KIAA1328: variants seen among roughly 807,000 people sequenced by gnomAD.
The protein encoded by KIAA1328 is KIAA1328.
In KIAA1328, 52 loss-of-function variants were observed where a neutral mutation model predicts 68.1. The observed-to-expected ratio is 0.76, with a 90% CI of 0.61 to 0.96. The LOEUF (loss-of-function observed/expected upper bound fraction) is 0.96, where lower values mean the gene tolerates loss of function less well. Ranked by LOEUF, KIAA1328 falls within the 40% of genes least tolerant of loss-of-function variation. KIAA1328 has a pLI of 0.00. For missense variants in KIAA1328, 641 were observed against 677.6 expected, an observed-to-expected ratio of 0.95 and a Z score of 0.60; for synonymous variants, 232 against 239.4, an observed-to-expected ratio of 0.97 and a Z score of 0.28.
At chr18:37,141,281 A>G (rs928707914) in intron 7 of KIAA1328, among the ~76,000 whole-genome samples, 1 of 152,184 alleles carries the variant, frequency 6.6e-6, no homozygotes, top group African/African-American at 2.4e-5. Flanking sequence ...CATGCAACCA[A>G]TAATCTGTTA....
chr18:37,174,862 A>G (rs923975981), intron 9 of KIAA1328, among the ~76,000 whole-genome samples: 2 of 152,054 alleles, frequency 1.3e-5, no homozygotes, highest in African/African-American at 4.8e-5. Context: ...TAATAGGGAC[A>G]GGCTTTTACC....
intron 6 of KIAA1328, among the ~76,000 whole-genome samples, chr18:36,970,479 TAAATG>T (rs1319685514): frequency 6.6e-6 from 1 of 151,264 alleles, no homozygotes; most frequent in Admixed American, 6.6e-5. Flanking sequence ...GAGAAAGAAA[TAAATG>T]GTATCCATAT....
chr18:37,183,093 A>C (rs1260964564), intron 9 of KIAA1328, among the ~76,000 whole-genome samples: 2 of 152,082 alleles, frequency 1.3e-5, no homozygotes, highest in East Asian at 1.9e-4. Context: ...CTTCCCCTCC[A>C]TTTGTTTTTC....
At chr18:36,848,789 A>AT (rs144408489) in intron 4 of KIAA1328, among the ~76,000 whole-genome samples, 5 of 149,504 alleles carry the variant, frequency 3.3e-5, no homozygotes, top group African/African-American at 1.2e-4. Flanking sequence ...GAATTTGTCA[A>AT]TTTTTTTTTA....
intron 6 of KIAA1328, among the ~76,000 whole-genome samples, chr18:37,008,875 A>G (rs1177376974): frequency 6.6e-6 from 1 of 152,196 alleles, no homozygotes; most frequent in Non-Finnish European, 1.5e-5. Flanking sequence ...AAGGGGAAAA[A>G]GAGAGGAAAA....
intron 6 of KIAA1328, among the ~76,000 whole-genome samples, chr18:36,963,701 C>T (rs2051795699): frequency 6.6e-6 from 1 of 152,160 alleles, no homozygotes; most frequent in Non-Finnish European, 1.5e-5. Flanking sequence ...CTTACCTTGT[C>T]ATGAAGTTAC....
rs34096013 is a variant in KIAA1328, at chr18:36,913,543, T to TACACACACACACACAC, written c.448+27882_448+27897dup. On this transcript the variant is annotated intron_variant, in intron 5 of 9. Transcript: ENST00000280020. ...ACACACTTAGAGGAAAGCAACTGCC[T>TACACACACACACACAC]ACACACACACACACACACACACACA... Among the ~76,000 whole-genome samples the TACACACACACACACAC allele has an allele frequency of 5.2e-4, 68 of 131,498 alleles. 3 individuals are homozygous for TACACACACACACACAC. Among genetic ancestry groups the TACACACACACACACAC allele is most frequent in the South Asian group, 1.1e-3 (4 of 3,624 alleles). 86.3% of individuals were successfully genotyped at this position (131,498 alleles called of 152,430 possible). A position where few individuals can be genotyped will look rare whatever the true frequency, so the allele number is the denominator to read the frequency against.
At chr18:37,071,002 T>C (rs762492421) in intron 7 of KIAA1328, among the ~76,000 whole-genome samples, 16 of 152,044 alleles carry the variant, frequency 1.1e-4, no homozygotes, top group Admixed American at 5.2e-4. Context: ...CCAGTTTCTT[T>C]TAATTGGTAT....
At chr18:36,891,391 G>A (rs999052711) in intron 5 of KIAA1328, among the ~76,000 whole-genome samples, 2 of 151,938 alleles carry the variant, frequency 1.3e-5, no homozygotes, top group African/African-American at 4.8e-5. Context: ...CTGAGATTTT[G>A]GTACACCTGT....
At chr18:37,146,310 T>A (rs1188692823) in intron 7 of KIAA1328, among the ~76,000 whole-genome samples, 3 of 152,160 alleles carry the variant, frequency 2.0e-5, no homozygotes, top group Non-Finnish European at 4.4e-5. Context: ...TCTCATCATT[T>A]AGCTCCCACT....
intron 6 of KIAA1328, among the ~76,000 whole-genome samples, chr18:37,058,890 T>A (rs1035789354): frequency 2.0e-5 from 3 of 152,036 alleles, no homozygotes; most frequent in East Asian, 3.9e-4. Flanking sequence ...GAGGGTCTTT[T>A]GTGTGCAAGT....
At chr18:36,890,809 A>T (rs2048661753) in intron 5 of KIAA1328, among the ~76,000 whole-genome samples, 1 of 152,234 alleles carries the variant, frequency 6.6e-6, no homozygotes, top group Non-Finnish European at 1.5e-5. Flanking sequence ...AAATGATATC[A>T]GATATTCTCC....
At chr18:36,889,713 CTAAG>C (rs1045394412) in intron 5 of KIAA1328, among the ~76,000 whole-genome samples, 5 of 152,170 alleles carry the variant, frequency 3.3e-5, no homozygotes, top group African/African-American at 1.2e-4. Context: ...AGGACCTAGT[CTAAG>C]TAGCCACTGA....
At chr18:37,129,775 T>C (rs1397598030) in intron 7 of KIAA1328, among the ~76,000 whole-genome samples, 1 of 152,182 alleles carries the variant, frequency 6.6e-6, no homozygotes, top group Non-Finnish European at 1.5e-5. Flanking sequence ...GAAAGAATTG[T>C]ATGCAGAATG....
intron 5 of KIAA1328, among the ~76,000 whole-genome samples, chr18:36,891,843 C>G (rs1423252285): frequency 2.0e-5 from 3 of 152,088 alleles, no homozygotes; most frequent in Non-Finnish European, 4.4e-5. Context: ...ATTGCTGGAT[C>G]AAATATTCAT....
intron 6 of KIAA1328, among the ~76,000 whole-genome samples, chr18:37,063,922 C>CTATA (rs2056248113): frequency 6.6e-6 from 1 of 151,596 alleles, no homozygotes; most frequent in Non-Finnish European, 1.5e-5. Context: ...AAAAACTTAC[C>CTATA]TGTCATTTGA....
intron 7 of KIAA1328, among the ~76,000 whole-genome samples, chr18:37,099,639 T>C (rs1412653867): frequency 4.6e-5 from 7 of 152,178 alleles, no homozygotes; most frequent in Non-Finnish European, 1.0e-4. Flanking sequence ...TTGTTAACTT[T>C]CTGTCTCGTT....
At chr18:37,069,974 TCTC>T (rs757970374) in intron 7 of KIAA1328, among the ~76,000 whole-genome samples, 4 of 152,158 alleles carry the variant, frequency 2.6e-5, no homozygotes, top group Non-Finnish European at 5.9e-5. Context: ...TAAATTCCCT[TCTC>T]GGCACTGATT....
chr18:36,889,630 A>G (rs1307247489), intron 5 of KIAA1328, among the ~76,000 whole-genome samples: 1 of 152,216 alleles, frequency 6.6e-6, no homozygotes, highest in Non-Finnish European at 1.5e-5. Context: ...TTTGTTTATA[A>G]TATGTAGATA....
Sources: gnomAD v4.1 joint callset for allele counts (sites outside exome capture counted in the v4.1 genomes callset) on GRCh38, gnomAD v4.1.1 for gene constraint, MANE v1.5 for transcripts, NCBI Gene and HGNC (gene_info 2026-07-23, HGNC 2026-07-21) for gene names.